PGAM5: variants seen among roughly 807,000 people sequenced by gnomAD.
PGAM5 encodes the protein PGAM family member 5, mitochondrial serine/threonine protein phosphatase, also known as serine/threonine-protein phosphatase PGAM5, mitochondrial.
In PGAM5, 25 loss-of-function variants were observed where a neutral mutation model predicts 30.6. The ratio of observed to expected loss-of-function variants is 0.82; its 90% CI spans 0.60 to 1.14. The LOEUF (loss-of-function observed/expected upper bound fraction) is 1.14. Among genes scored for constraint, PGAM5 ranks in the 50% most tolerant of loss-of-function variants. PGAM5 has a pLI of 0.00. For missense variants in PGAM5, 384 were observed against 408.5 expected (o/e 0.94, Z 0.52); for synonymous variants, 201 against 179.1 (o/e 1.12, Z -0.98).
rs1009628949 is a variant in PGAM5 at position 132,722,651 on chromosome 12, A to C, written c.*1823A>C. 1 of 152,228 alleles carries C rather than the reference A, an allele frequency of 6.6e-6. No homozygotes were observed. Among genetic ancestry groups the C allele is most frequent in the Non-Finnish European group, 1.5e-5 (1 of 68,040 alleles). The allele number at this position is 152,228 out of a possible 1,614,324, so 9.4% of individuals were successfully genotyped here. Reference sequence around the variant, plus strand: ...GTGGTTGTGACTATTTTCTGTAGTCAATACAGTTGGGATATCTGATCTATT... The same window carrying C: ...GTGGTTGTGACTATTTTCTGTAGTCCATACAGTTGGGATATCTGATCTATT... On this transcript the variant is annotated 3_prime_UTR_variant, in exon 6 of 6. Coordinates refer to ENST00000498926, the MANE Select transcript of PGAM5 (RefSeq NM_001170543.2).
At position 132,719,113 on chromosome 12, in the gene PGAM5, C is replaced by T. The variant is rs1593121983; in HGVS notation, c.719+993C>T. The stretch of plus-strand genomic sequence containing the variant: ...GCAGGGCCAGCTCTACGGTTACATG[C>T]CTGAAACAGTCAGAAGGGTTGGCCA... On this transcript the variant is annotated intron_variant, in intron 5 of 5. Coordinates refer to ENST00000498926, the MANE Select transcript of PGAM5 (RefSeq NM_001170543.2). 1.0e-5 allele frequency: 14 copies of T among 1,364,542 alleles called. No homozygotes were observed. The South Asian group carries it at 1.8e-4, about 17-fold the overall frequency. 84.5% of individuals were successfully genotyped at this position (1,364,542 alleles called of 1,614,324 possible).
Position 132,720,966 on chromosome 12 carries a change from GGA to G in PGAM5, c.*142_*143del. The G allele has an allele frequency of 1.0e-5, 11 of 1,098,424 alleles. No individual in the cohort carries two copies. The highest frequency in any genetic ancestry group is 1.7e-5 in the South Asian group (1 of 60,354). The allele number at this position is 1,098,424 out of a possible 1,614,324, so 68.0% of individuals were successfully genotyped here. On this transcript the variant is annotated 3_prime_UTR_variant, in exon 6 of 6. Coordinates refer to ENST00000498926, the MANE Select transcript of PGAM5 (RefSeq NM_001170543.2). ...CTGACTTGTGACCAGGCTGAGAAGGGGAGAGTTGGGATCAGACAGCCTGACTT... is the reference window on the plus strand; with the variant it reads ...CTGACTTGTGACCAGGCTGAGAAGGGGAGTTGGGATCAGACAGCCTGACTT...
chr12:132,715,869 A>G (rs1219127637), intron 2 of PGAM5, among the ~76,000 whole-genome samples: 1 of 151,340 alleles, frequency 6.6e-6, no homozygotes. Context: ...ACAGAGTGAG[A>G]CTCCGTCTCA....
intron 1 of PGAM5, among the ~76,000 whole-genome samples, chr12:132,713,150 ACT>A (rs780806726): frequency 1.1e-4 from 17 of 152,192 alleles, no homozygotes; most frequent in South Asian, 2.1e-4. Flanking sequence ...ATAGAGTGAA[ACT>A]CTGTCTCAAA....
chr12:132,719,549 G>A (rs1264005248), intron 5 of PGAM5, among the ~76,000 whole-genome samples: 1 of 152,180 alleles, frequency 6.6e-6, no homozygotes, highest in African/African-American at 2.4e-5. Flanking sequence ...GAGCCATATG[G>A]GTGGCTTCTA....
chr12:132,719,950 C>G (rs1374376818), intron 5 of PGAM5, among the ~76,000 whole-genome samples: 2 of 152,266 alleles, frequency 1.3e-5, no homozygotes, highest in African/African-American at 4.8e-5. Flanking sequence ...CACTAACTGG[C>G]TGCTCCCTGC....
At chr12:132,720,590 G>T in intron 5 of PGAM5, 88 bp from the exon 6 acceptor site, 5 of 1,383,460 alleles carry the variant, frequency 3.6e-6, no homozygotes. Context: ...ACAGGTGTGA[G>T]CCACCATGCC....
At chr12:132,719,901 C>CCAT (rs1555234160) in intron 5 of PGAM5, among the ~76,000 whole-genome samples, 131 of 152,254 alleles carry the variant, frequency 8.6e-4, no homozygotes, top group African/African-American at 3.1e-3. Context: ...CGGGTAGATC[C>CCAT]CATCTCCGTT....
At chr12:132,719,102 A>G (rs1364439366) in intron 5 of PGAM5, 3 of 1,383,116 alleles carry the variant, frequency 2.2e-6, no homozygotes, top group Admixed American at 3.1e-5. Flanking sequence ...GGCCAGCTCT[A>G]CGGTTACATG....
intron 5 of PGAM5, chr12:132,719,186 C>G (rs1268432017): frequency 8.4e-7 from 1 of 1,195,172 alleles, no homozygotes; most frequent in African/African-American, 1.6e-5. Context: ...TTCTCTGGAT[C>G]CATTAGGAAA....
chr12:132,720,313 GTT>G (rs758552620), intron 5 of PGAM5, among the ~76,000 whole-genome samples: 2 of 139,040 alleles, frequency 1.4e-5, no homozygotes, highest in South Asian at 2.3e-4. Context: ...AGCCCAGCCC[GTT>G]TTTTTTTTTT....
intron 2 of PGAM5, among the ~76,000 whole-genome samples, chr12:132,716,047 C>T (rs1209722689): frequency 2.0e-5 from 3 of 152,088 alleles, no homozygotes; most frequent in Non-Finnish European, 4.4e-5. Flanking sequence ...AGACGCTTCT[C>T]TGCGGCCTGT....
At chr12:132,714,351 CATG>C (rs1190238437) in intron 1 of PGAM5, among the ~76,000 whole-genome samples, 2 of 152,208 alleles carry the variant, frequency 1.3e-5, no homozygotes, top group Admixed American at 6.5e-5. Context: ...TGACTGAGGA[CATG>C]ATGTTTTAAT....
At chr12:132,717,347 TGGAGGAGGGCGTGTTTGC>T in intron 2 of PGAM5, 74 bp from the exon 3 acceptor site, 1 of 1,021,394 alleles carries the variant, frequency 9.8e-7, no homozygotes, top group Admixed American at 3.1e-5. Context: ...TGTTTGAGGG[TGGAGGAGGGCGTGTTTGC>T]GGGCGGAGGA....
chr12:132,712,741 C>T (rs970351597), intron 1 of PGAM5, among the ~76,000 whole-genome samples: 1 of 151,968 alleles, frequency 6.6e-6, no homozygotes, highest in African/African-American at 2.4e-5. Context: ...CAGGCATGAG[C>T]CACCATGCCC....
chr12:132,720,658 C>T lies in PGAM5; in HGVS notation c.720-20C>T, dbSNP rs189258287. 609 of 1,457,958 alleles carry T rather than the reference C, an allele frequency of 4.2e-4. 3 individuals carry two copies. In the African/African-American group the frequency reaches 7.8e-3, roughly 19 times the overall value. The allele number at this position is 1,457,958 out of a possible 1,614,324, so 90.3% of individuals were successfully genotyped here. ...CCCCTGGCTCTAACGTGCTCTTTCT[C>T]TCTCTCTCTCTCTCCCCAGAGCACT... On this transcript the variant is annotated intron_variant, in intron 5 of 5. Transcript: ENST00000498926.
At position 132,720,671 on chromosome 12, in the gene PGAM5, T is replaced by C. The variant is rs757559318; in HGVS notation, c.720-7T>C. ...CGTGCTCTTTCTCTCTCTCTCTCTC[T>C]CCCCAGAGCACTGCAGTTTCCTCCT... On this transcript the variant is annotated splice_region_variant and splice_polypyrimidine_tract_variant and intron_variant, in intron 5 of 5. Transcript: ENST00000498926. The C allele has an allele frequency of 1.3e-4, 193 of 1,532,134 alleles. 1 individual carries two copies. The highest frequency in any genetic ancestry group is 2.9e-4 in the East Asian group (12 of 40,816). 94.9% of individuals were successfully genotyped at this position (1,532,134 alleles called of 1,614,324 possible).
At chr12:132,714,210 A>G (rs746092289) in intron 1 of PGAM5, among the ~76,000 whole-genome samples, 1 of 151,588 alleles carries the variant, frequency 6.6e-6, no homozygotes. Context: ...TAGAGGTGCA[A>G]TTTCACCATG....
Position 132,720,831 on chromosome 12 carries a change from G to C in PGAM5, c.*3G>C. ...CCGACAAGATCACTCGATCCTGAGGGCTCCGGCCTCTCCTTCCCTCTGTCC... is the reference window on the plus strand; with the variant it reads ...CCGACAAGATCACTCGATCCTGAGGCCTCCGGCCTCTCCTTCCCTCTGTCC... On this transcript the variant is annotated 3_prime_UTR_variant, in exon 6 of 6. Coordinates refer to ENST00000498926, the MANE Select transcript of PGAM5 (RefSeq NM_001170543.2). The C allele has an allele frequency of 2.6e-6, 4 of 1,535,584 alleles. No individual in the cohort carries two copies. Among genetic ancestry groups the C allele is most frequent in the Non-Finnish European group, 3.5e-6 (4 of 1,146,248 alleles).
Sources: gnomAD v4.1 joint callset for allele counts (sites outside exome capture counted in the v4.1 genomes callset) on GRCh38, gnomAD v4.1.1 for gene constraint, MANE v1.5 for transcripts, NCBI Gene and HGNC (gene_info 2026-07-23, HGNC 2026-07-21) for gene names.